ZKSCAN1: variants seen among roughly 807,000 people sequenced by gnomAD.
ZKSCAN1 encodes zinc finger with KRAB and SCAN domains 1, also known as zinc finger protein with KRAB and SCAN domains 1.
ZKSCAN1 carries 14 observed loss-of-function variants against 51.6 expected under a neutral mutation model. That is an observed-to-expected ratio of 0.27 (90% CI 0.18 to 0.42). The LOEUF (loss-of-function observed/expected upper bound fraction) is 0.42, where lower values mean the gene tolerates loss of function less well. Ranked by LOEUF, ZKSCAN1 falls within the 10% of genes least tolerant of loss-of-function variation. ZKSCAN1 has a pLI of 1.00. For missense variants in ZKSCAN1, 531 were observed against 710.0 expected (o/e 0.75, Z 2.86); for synonymous variants, 263 against 261.5 (o/e 1.01, Z -0.06).
At chr7:100,042,784 A>G (rs1163701980), downstream of ZKSCAN1, among the ~76,000 whole-genome samples, 1 of 148,210 alleles carries the variant, frequency 6.7e-6, no homozygotes, top group African/African-American at 2.5e-5. Flanking sequence ...CACCACACCC[A>G]GGTAATTTTT....
chr7:100,043,275 C>G (rs1361691959), downstream of ZKSCAN1, among the ~76,000 whole-genome samples: 1 of 151,230 alleles, frequency 6.6e-6, no homozygotes, highest in Non-Finnish European at 1.5e-5. Flanking sequence ...CTATGTTGCC[C>G]AGGCTGGTCT....
chr7:100,042,889 C>T (rs1308114282), downstream of ZKSCAN1, among the ~76,000 whole-genome samples: 1 of 151,620 alleles, frequency 6.6e-6, no homozygotes, highest in Non-Finnish European at 1.5e-5. Flanking sequence ...GCTCCGCCTC[C>T]CGGGTTCCCG....
intron 3 of ZKSCAN1, among the ~76,000 whole-genome samples, chr7:100,028,242 A>G (rs753561565): frequency 1.2e-4 from 18 of 152,004 alleles, no homozygotes; most frequent in Non-Finnish European, 1.8e-4. Flanking sequence ...AGTCCCAGCT[A>G]TTTGGGAGGC....
rs974560412 is a variant in ZKSCAN1, at chr7:100,035,799, G to A, written c.*1602G>A. 4.1e-6 allele frequency: 4 copies of A among 977,654 alleles called. No homozygotes were observed. In the African/African-American group the frequency reaches 7.0e-5, roughly 17 times the overall value. The allele number at this position is 977,654 out of a possible 1,614,324, so 60.6% of individuals were successfully genotyped here. A position where few individuals can be genotyped will look rare whatever the true frequency, so the allele number is the denominator to read the frequency against. On this transcript the variant is annotated 3_prime_UTR_variant, in exon 6 of 6. Coordinates refer to ENST00000324306, the MANE Select transcript of ZKSCAN1 (RefSeq NM_003439.4). ...CATTGGTCCCATCGTTGTGCGCAGG[G>A]TGCAACTGGCTACCTAGAAGCTGAT... is the stretch of plus-strand genomic sequence containing the variant.
chr7:100,025,960 C>T (rs1189219505), intron 3 of ZKSCAN1, among the ~76,000 whole-genome samples: 2 of 152,078 alleles, frequency 1.3e-5, no homozygotes, highest in Non-Finnish European at 2.9e-5. Flanking sequence ...GTGGCTCACA[C>T]CTATAATCCC....
chr7:100,024,397 A>T lies in ZKSCAN1; in HGVS notation c.580+90A>T, dbSNP rs144023067. Reference sequence around the variant, plus strand: ...AGTGCCTGTGATGAAGAAGCATGTTAGTCCTGGGCAACGTAGCGAGACCCC... The same window carrying T: ...AGTGCCTGTGATGAAGAAGCATGTTTGTCCTGGGCAACGTAGCGAGACCCC... On this transcript the variant is annotated intron_variant, in intron 3 of 5. Transcript: ENST00000324306. 6.8e-5 allele frequency: 101 copies of T among 1,489,916 alleles called. No homozygotes were observed. The African/African-American group carries it at 1.2e-3, about 18-fold the overall frequency. 92.3% of individuals were successfully genotyped at this position (1,489,916 alleles called of 1,614,324 possible).
At chr7:100,020,238 G>C (rs1027765588) in intron 1 of ZKSCAN1, among the ~76,000 whole-genome samples, 2 of 152,158 alleles carry the variant, frequency 1.3e-5, no homozygotes, top group Non-Finnish European at 2.9e-5. Flanking sequence ...GGAAGTCCCA[G>C]GCATGGAGTG....
chr7:100,017,841 G>T (rs954228673), intron 1 of ZKSCAN1, among the ~76,000 whole-genome samples: 3 of 152,182 alleles, frequency 2.0e-5, no homozygotes, highest in Non-Finnish European at 4.4e-5. Context: ...ACTTGTGGGA[G>T]ACTAGAATTC....
rs1418817280 is a variant in ZKSCAN1 at position 100,040,592 on chromosome 7, C to T, written c.*6395C>T. On this transcript the variant is annotated 3_prime_UTR_variant, in exon 6 of 6. Coordinates refer to ENST00000324306, the MANE Select transcript of ZKSCAN1 (RefSeq NM_003439.4). ...GTCCAGGGAAGGGTCCAAGCAGCCA[C>T]AGTTGCCCTAAATCTCCATCATTAA... 1.7e-5 allele frequency: 17 copies of T among 985,274 alleles called. No individual in the cohort carries two copies. Among genetic ancestry groups the T allele is most frequent in the Non-Finnish European group, 1.9e-5 (16 of 829,946 alleles). 61.0% of individuals were successfully genotyped at this position (985,274 alleles called of 1,614,324 possible). A position where few individuals can be genotyped will look rare whatever the true frequency, so the allele number is the denominator to read the frequency against.
chr7:100,020,552 A>G (rs1431460957), intron 1 of ZKSCAN1, among the ~76,000 whole-genome samples: 1 of 152,186 alleles, frequency 6.6e-6, no homozygotes, highest in African/African-American at 2.4e-5. Context: ...GCTACTCAGG[A>G]GGCTGAGGCA....
Position 100,037,486 on chromosome 7 carries a change from A to G in ZKSCAN1, c.*3289A>G, listed in dbSNP as rs1791413950. On this transcript the variant is annotated 3_prime_UTR_variant, in exon 6 of 6. Coordinates refer to ENST00000324306, the MANE Select transcript of ZKSCAN1 (RefSeq NM_003439.4). ...GAGAGGTTGACGTGTGATACGTGGG[A>G]CAGTTCACATAGACATCAGAGAATT... 2 of 985,466 alleles carry G rather than the reference A, an allele frequency of 2.0e-6. No homozygotes were observed. The highest frequency in any genetic ancestry group is 5.2e-4 in the Middle Eastern group (1 of 1,914). The allele number at this position is 985,466 out of a possible 1,614,324, so 61.0% of individuals were successfully genotyped here.
chr7:100,022,972 G>T (rs999852458), intron 1 of ZKSCAN1, among the ~76,000 whole-genome samples: 1 of 152,020 alleles, frequency 6.6e-6, no homozygotes, highest in Non-Finnish European at 1.5e-5. Context: ...GATATATGAA[G>T]TGACAGTGGA....
intron 3 of ZKSCAN1, among the ~76,000 whole-genome samples, chr7:100,025,250 G>A (rs2115865871): frequency 6.7e-6 from 1 of 148,476 alleles, no homozygotes; most frequent in Non-Finnish European, 1.5e-5. Context: ...TTTTTTAAAG[G>A]TCCATTTTAT....
Position 100,039,581 on chromosome 7 carries a change from G to C in ZKSCAN1, c.*5384G>C. 1 of 985,364 alleles carries C rather than the reference G, an allele frequency of 1.0e-6. No homozygotes were observed. Among genetic ancestry groups the C allele is most frequent in the Non-Finnish European group, 1.2e-6 (1 of 829,932 alleles). The allele number at this position is 985,364 out of a possible 1,614,324, so 61.0% of individuals were successfully genotyped here. On this transcript the variant is annotated 3_prime_UTR_variant, in exon 6 of 6. Transcript: ENST00000324306. Reference sequence around the variant, plus strand: ...GAATCTTTTTTTAATTTTTATCCTAGAGTCAGTCACTTTTATTCCAGGTAG... The same window carrying C: ...GAATCTTTTTTTAATTTTTATCCTACAGTCAGTCACTTTTATTCCAGGTAG...
At chr7:100,027,747 C>CAA (rs1199868325) in intron 3 of ZKSCAN1, among the ~76,000 whole-genome samples, 27 of 68,404 alleles carry the variant, frequency 3.9e-4, no homozygotes, top group East Asian at 3.5e-3. Context: ...GATGCTGTCT[C>CAA]AAAAAAAAAA....
downstream of ZKSCAN1, among the ~76,000 whole-genome samples, chr7:100,042,408 A>G (rs963602179): frequency 1.3e-5 from 2 of 151,346 alleles, no homozygotes; most frequent in South Asian, 4.2e-4. Context: ...TTTTACTCAC[A>G]CTTCTGACAC....
At position 100,039,235 on chromosome 7, in the gene ZKSCAN1, C is replaced by T. The variant is rs1411899785; in HGVS notation, c.*5038C>T. On this transcript the variant is annotated 3_prime_UTR_variant, in exon 6 of 6. Transcript: ENST00000324306. ...GCTGAGGCAGGAGAATCACCTAAAT[C>T]TGGGAGGCAGAGGTTGCAGTGAGCC... The T allele has an allele frequency of 3.1e-5, 25 of 812,438 alleles. No homozygotes were observed. Among genetic ancestry groups the T allele is most frequent in the Non-Finnish European group, 3.6e-5 (24 of 674,992 alleles). The allele number at this position is 812,438 out of a possible 1,614,324, so 50.3% of individuals were successfully genotyped here.
intron 3 of ZKSCAN1, among the ~76,000 whole-genome samples, chr7:100,027,323 G>GCACATTCAAA (rs1320420615): frequency 6.6e-6 from 1 of 151,710 alleles, no homozygotes; most frequent in Non-Finnish European, 1.5e-5. Context: ...ATTGGTCGAG[G>GCACATTCAAA]CACATTCCTT....
chr7:100,027,704 C>T (rs1001387158), intron 3 of ZKSCAN1, among the ~76,000 whole-genome samples: 5 of 148,034 alleles, frequency 3.4e-5, no homozygotes, highest in African/African-American at 7.5e-5. Flanking sequence ...GCCGAGATTG[C>T]GCCACTGCAC....
Sources: allele counts gnomAD v4.1 joint callset (sites outside exome capture counted in the v4.1 genomes callset), GRCh38; gene constraint gnomAD v4.1.1; transcripts MANE v1.5; gene names NCBI Gene and HGNC (gene_info 2026-07-23, HGNC 2026-07-21).